GPC5: variants seen among roughly 807,000 people sequenced by gnomAD.
GPC5 encodes glypican-5.
In GPC5, 47 loss-of-function variants were observed where a neutral mutation model predicts 53.9. The ratio of observed to expected loss-of-function variants is 0.87; its 90% CI spans 0.69 to 1.11. GPC5 has a LOEUF of 1.11. Among genes scored for constraint, GPC5 ranks in the 50% most tolerant of loss-of-function variants. The pLI is 0.00. For synonymous variants in GPC5, 286 were observed against 263.3 expected (o/e 1.09, Z -0.84); for missense variants, 748 against 713.1 (o/e 1.05, Z -0.56).
At chr13:91,787,144 TAAAG>T (rs2037892696) in intron 5 of GPC5, among the ~76,000 whole-genome samples, 1 of 152,168 alleles carries the variant, frequency 6.6e-6, no homozygotes, top group African/African-American at 2.4e-5. Context: ...TGTCTGTAAA[TAAAG>T]ACAGTTTTGC....
chr13:91,534,135 G>A (rs1594217883), intron 2 of GPC5, among the ~76,000 whole-genome samples: 1 of 152,180 alleles, frequency 6.6e-6, no homozygotes, highest in African/African-American at 2.4e-5. Context: ...GATATTTCAT[G>A]ATTATATATT....
chr13:92,792,763 C>A (rs539741633), intron 7 of GPC5, among the ~76,000 whole-genome samples: 1 of 152,122 alleles, frequency 6.6e-6, no homozygotes, highest in East Asian at 1.9e-4. Context: ...GACTTTAAAC[C>A]AACAAAGATC....
intron 7 of GPC5, among the ~76,000 whole-genome samples, chr13:92,652,760 G>A (rs1295175478): frequency 2.0e-5 from 3 of 151,984 alleles, no homozygotes; most frequent in Non-Finnish European, 4.4e-5. Context: ...TAGCATCATG[G>A]CAAAGATGCA....
Position 92,675,305 on chromosome 13 carries a change from G to C in GPC5, c.1562-190977G>C, listed in dbSNP as rs537736701. ...TTACCAATTCAAAATTAATTCATTA[G>C]AAAGCAATTTTCCTCAACACTTAAT... On this transcript the variant is annotated intron_variant, in intron 7 of 7. Coordinates refer to ENST00000377067, the MANE Select transcript of GPC5 (RefSeq NM_004466.6). 2.0e-5 allele frequency among the ~76,000 whole-genome samples: 3 copies of C among 152,098 alleles called. No homozygotes were observed. The East Asian group carries it at 5.8e-4, about 29-fold the overall frequency.
chr13:92,204,753 T>C (rs561303909), intron 7 of GPC5, among the ~76,000 whole-genome samples: 2 of 152,220 alleles, frequency 1.3e-5, no homozygotes, highest in Non-Finnish European at 2.9e-5. Flanking sequence ...ATGAGCTTTC[T>C]ACCCTTTTCA....
chr13:91,580,118 G>A (rs1328966355), intron 2 of GPC5, among the ~76,000 whole-genome samples: 2 of 152,030 alleles, frequency 1.3e-5, no homozygotes, highest in Non-Finnish European at 2.9e-5. Flanking sequence ...TGGCGCAATC[G>A]CGGCTCACTG....
intron 2 of GPC5, among the ~76,000 whole-genome samples, chr13:91,568,128 T>A (rs1339828233): frequency 6.6e-6 from 1 of 152,190 alleles, no homozygotes; most frequent in Non-Finnish European, 1.5e-5. Flanking sequence ...GTGGAAGTAG[T>A]TTACTTTATA....
intron 6 of GPC5, among the ~76,000 whole-genome samples, chr13:92,032,115 A>G (rs1165876993): frequency 2.7e-5 from 4 of 145,572 alleles, no homozygotes; most frequent in Non-Finnish European, 6.0e-5. Context: ...AAAAGGAACA[A>G]ATTAATGGCA....
intron 7 of GPC5, among the ~76,000 whole-genome samples, chr13:92,323,554 C>G (rs564419026): frequency 6.6e-6 from 1 of 151,612 alleles, no homozygotes; most frequent in African/African-American, 2.4e-5. Flanking sequence ...TATTTTTATG[C>G]ACATTGTATT....
intron 6 of GPC5, among the ~76,000 whole-genome samples, chr13:91,964,573 A>G (rs1037649778): frequency 2.6e-5 from 4 of 152,184 alleles, no homozygotes; most frequent in African/African-American, 9.6e-5. Flanking sequence ...CTAGACACAG[A>G]GCACTGATTG....
At chr13:92,704,898 A>C (rs1202984635) in intron 7 of GPC5, among the ~76,000 whole-genome samples, 1 of 89,828 alleles carries the variant, frequency 1.1e-5, no homozygotes. Flanking sequence ...TATATATATG[A>C]GTATATATAT....
chr13:91,606,356 C>T (rs1466769075), intron 2 of GPC5, among the ~76,000 whole-genome samples: 1 of 148,500 alleles, frequency 6.7e-6, no homozygotes, highest in African/African-American at 2.5e-5. Flanking sequence ...ATTCTGTTTG[C>T]CAGTATTTTA....
chr13:91,451,557 C>A (rs1188719650), intron 2 of GPC5, among the ~76,000 whole-genome samples: 4 of 151,874 alleles, frequency 2.6e-5, no homozygotes, highest in African/African-American at 9.7e-5. Context: ...CTCTGTAGTC[C>A]ACTGCCTATG....
intron 6 of GPC5, among the ~76,000 whole-genome samples, chr13:92,109,518 T>C (rs977855166): frequency 6.6e-6 from 1 of 152,160 alleles, no homozygotes; most frequent in Non-Finnish European, 1.5e-5. Context: ...TTAGTGACTA[T>C]CTAAAATTCT....
At chr13:92,029,653 G>A (rs376687050) in intron 6 of GPC5, among the ~76,000 whole-genome samples, 23 of 152,168 alleles carry the variant, frequency 1.5e-4, no homozygotes, top group East Asian at 7.7e-4. Context: ...TTTACTATGC[G>A]ATTAATGTAT....
At chr13:92,742,422 T>TC (rs1889127967) in intron 7 of GPC5, among the ~76,000 whole-genome samples, 3 of 152,312 alleles carry the variant, frequency 2.0e-5, no homozygotes, top group Middle Eastern at 3.4e-3. Flanking sequence ...GCCCACTTTT[T>TC]CATGGGGTTG....
At chr13:92,269,420 T>G (rs1307578415) in intron 7 of GPC5, among the ~76,000 whole-genome samples, 2 of 152,124 alleles carry the variant, frequency 1.3e-5, no homozygotes, top group African/African-American at 4.8e-5. Context: ...GTTTTGTTTT[T>G]TTTGAGACAG....
intron 5 of GPC5, among the ~76,000 whole-genome samples, chr13:91,789,096 C>T (rs1397372646): frequency 2.0e-5 from 3 of 152,048 alleles, no homozygotes; most frequent in African/African-American, 7.2e-5. Context: ...GCCTGTACTC[C>T]CAGCTACTCA....
chr13:92,113,426 G>A (rs1003624442), intron 6 of GPC5, among the ~76,000 whole-genome samples: 1 of 152,108 alleles, frequency 6.6e-6, no homozygotes, highest in South Asian at 2.1e-4. Context: ...CAGCACTAAA[G>A]CTAATGTCTC....
Sources: gnomAD v4.1 joint callset for allele counts (sites outside exome capture counted in the v4.1 genomes callset) on GRCh38, gnomAD v4.1.1 for gene constraint, MANE v1.5 for transcripts, NCBI Gene and HGNC (gene_info 2026-07-23, HGNC 2026-07-21) for gene names.